Variants in ANKRD36C observed in about 807,000 individuals in gnomAD.
ANKRD36C encodes the protein ankyrin repeat domain-containing protein 36C.
ANKRD36C carries 61 observed loss-of-function variants against 276.4 expected under a neutral mutation model. That is an observed-to-expected ratio of 0.22 (90% confidence interval 0.18 to 0.27). The LOEUF is 0.27. Ranked by LOEUF, ANKRD36C falls within the 10% of genes least tolerant of loss-of-function variation. The pLI is 1.00. For missense variants in ANKRD36C, 1,447 were observed against 2,032.3 expected (o/e 0.71, Z 5.54); for synonymous variants, 483 against 680.1 (o/e 0.71, Z 4.51).
Position 95,980,791 on chromosome 2 carries a change from A to G in ANKRD36C, c.594-6T>C, listed in dbSNP as rs1322246315. ...CAGCATGTATGAGGGCTGATCTAAA[A>G]TAACAGAGAGGTAATTAAAAACTTT... On this transcript the variant is annotated splice_polypyrimidine_tract_variant and splice_region_variant and intron_variant, in intron 4 of 66. Coordinates refer to ENST00000456556, the Ensembl canonical transcript of ANKRD36C. The G allele has an allele frequency of 2.5e-6, 4 of 1,576,544 alleles. No homozygotes were observed. The highest frequency in any genetic ancestry group is 3.5e-6 in the Non-Finnish European group (4 of 1,158,764).
chr2:95,953,451 A>T (rs1212441596), intron 14 of ANKRD36C, among the ~76,000 whole-genome samples: 1 of 152,126 alleles, frequency 6.6e-6, no homozygotes, highest in Non-Finnish European at 1.5e-5. Flanking sequence ...GCAAAAATAC[A>T]GTATGATATC....
chr2:95,929,426 A>G (rs1247869374), intron 24 of ANKRD36C, among the ~76,000 whole-genome samples, 159 bp from the exon 25 acceptor site: 1 of 151,444 alleles, frequency 6.6e-6, no homozygotes, highest in African/African-American at 2.4e-5. Flanking sequence ...ACTAAACATG[A>G]AGGAAATACA....
At chr2:95,958,610 A>G (rs1184965056) in exon 12 of ANKRD36C, 1 of 1,545,780 alleles carries the variant, frequency 6.5e-7, no homozygotes, top group African/African-American at 1.4e-5. Context: ...ATTTTTGTTC[A>G]TCTTTTATTT....
At chr2:95,865,975 A>G (rs1160190443) in intron 60 of ANKRD36C, among the ~76,000 whole-genome samples, 5 of 152,082 alleles carry the variant, frequency 3.3e-5, no homozygotes, top group Non-Finnish European at 7.4e-5. Flanking sequence ...CAGTCCAGAA[A>G]TAGATAACAC....
chr2:95,886,646 T>C (rs1377592375), intron 50 of ANKRD36C, among the ~76,000 whole-genome samples: 7 of 151,702 alleles, frequency 4.6e-5, no homozygotes, highest in Non-Finnish European at 1.0e-4. Flanking sequence ...GATTAAACCA[T>C]TATACTGCAA....
intron 6 of ANKRD36C, among the ~76,000 whole-genome samples, chr2:95,972,280 A>C (rs1275661313): frequency 6.6e-6 from 1 of 152,122 alleles, no homozygotes; most frequent in African/African-American, 2.4e-5. Flanking sequence ...GAAGTGTGGA[A>C]TTTTTGTATA....
exon 63 of ANKRD36C, chr2:95,855,389 G>T: frequency 6.2e-7 from 1 of 1,613,386 alleles, no homozygotes; most frequent in Middle Eastern, 1.7e-4. Context: ...CAGCTTGAAG[G>T]TTTTCTACTC....
At chr2:95,936,595 C>G (rs879927007) in intron 22 of ANKRD36C, among the ~76,000 whole-genome samples, 5,488 of 102,642 alleles carry the variant, frequency 0.053, no homozygotes, top group African/African-American at 0.11. Flanking sequence ...TGCGAATATA[C>G]CAGGTCCACA....
At chr2:95,889,024 C>G (rs1000595985) in intron 48 of ANKRD36C, among the ~76,000 whole-genome samples, 8 of 151,412 alleles carry the variant, frequency 5.3e-5, no homozygotes, top group African/African-American at 1.9e-4. Context: ...CTATTTTATC[C>G]AAGACTTAGC....
intron 61 of ANKRD36C, among the ~76,000 whole-genome samples, chr2:95,858,951 CAG>C (rs143169258): frequency 3.3e-5 from 5 of 151,604 alleles, no homozygotes; most frequent in Non-Finnish European, 5.9e-5. Flanking sequence ...ATCTACATAA[CAG>C]AGAGAGAGAG....
intron 44 of ANKRD36C, 65 bp from the exon 65 acceptor site, chr2:95,891,925 T>C (rs1035155921): frequency 1.2e-5 from 18 of 1,545,388 alleles, no homozygotes; most frequent in African/African-American, 8.3e-5. Flanking sequence ...CACACATTCA[T>C]GCAGTGTTAG....
chr2:95,924,439 T>G (rs1356419864), intron 30 of ANKRD36C, among the ~76,000 whole-genome samples: 1 of 151,592 alleles, frequency 6.6e-6, no homozygotes, highest in Non-Finnish European at 1.5e-5. Context: ...ATTAATAAAC[T>G]TTTACGTTTG....
At chr2:95,916,037 T>C in exon 38 of ANKRD36C, 1 of 1,577,820 alleles carries the variant, frequency 6.3e-7, no homozygotes, top group Non-Finnish European at 8.6e-7. Flanking sequence ...AAAGAATCTT[T>C]CTCATCACTT....
exon 9 of ANKRD36C, chr2:95,960,658 T>C (rs1573805266): frequency 2.4e-6 from 3 of 1,241,466 alleles, no homozygotes; most frequent in Non-Finnish European, 1.1e-6. Flanking sequence ...CGGTTGTTTC[T>C]GAGAAGACAC....
At chr2:95,894,478 T>C (rs1288863146) in intron 44 of ANKRD36C, among the ~76,000 whole-genome samples, 1 of 151,492 alleles carries the variant, frequency 6.6e-6, no homozygotes, top group African/African-American at 2.4e-5. Flanking sequence ...GCATTAGATA[T>C]TGATAAGATT....
At chr2:95,893,834 G>C (rs1676451339) in intron 44 of ANKRD36C, 110 bp from the exon 63 acceptor site, 4 of 1,553,280 alleles carry the variant, frequency 2.6e-6, no homozygotes, top group Non-Finnish European at 3.5e-6. Context: ...TATTAGCGTA[G>C]GCTTTAATGG....
intron 6 of ANKRD36C, among the ~76,000 whole-genome samples, chr2:95,975,310 A>C: frequency 6.6e-6 from 1 of 152,176 alleles, no homozygotes; most frequent in East Asian, 1.9e-4. Flanking sequence ...AAAAGAGCCC[A>C]CATCACCAAG....
intron 30 of ANKRD36C, among the ~76,000 whole-genome samples, chr2:95,924,304 C>G (rs1421333541): frequency 6.6e-6 from 1 of 151,546 alleles, no homozygotes; most frequent in Non-Finnish European, 1.5e-5. Context: ...CTTGTATCCT[C>G]TAGTTTAGCC....
intron 58 of ANKRD36C, among the ~76,000 whole-genome samples, chr2:95,878,771 C>A (rs921391863): frequency 2.6e-5 from 4 of 152,166 alleles, no homozygotes; most frequent in Non-Finnish European, 5.9e-5. Flanking sequence ...ATCATCTCAC[C>A]TCAGTTAAAA....
Sources: allele counts gnomAD v4.1 joint callset (sites outside exome capture counted in the v4.1 genomes callset), GRCh38; gene constraint gnomAD v4.1.1; transcripts MANE v1.5; gene names NCBI Gene and HGNC (gene_info 2026-07-23, HGNC 2026-07-21).